The following GNG5B variants were observed in gnomAD, a reference collection of about 807,000 sequenced individuals.
The protein encoded by GNG5B is G protein subunit gamma 5B, also known as guanine nucleotide-binding protein G(I)/G(S)/G(O) subunit gamma-5B.
chrX:110,346,656 C>G, the GNG5B span: 2 of 575,017 alleles, frequency 3.5e-6, no homozygotes, highest in Non-Finnish European at 6.3e-6. Flanking sequence ...TGAATATTCA[C>G]TGGATCATAA....
chrX:110,346,649 A>C, the GNG5B span: 12 of 566,617 alleles, frequency 2.1e-5, no homozygotes, highest in African/African-American at 2.2e-4. Context: ...TCTCTCTTGA[A>C]TATTCACTGG....
At chrX:110,346,809 T>C in the GNG5B span, 1 of 727,769 alleles carries the variant, frequency 1.4e-6, no homozygotes, top group Admixed American at 2.2e-5. Context: ...TTGTTTCAAG[T>C]CTGCAGCTGC....
chrX:110,346,885 C>A, the GNG5B span: 5 of 620,825 alleles, frequency 8.1e-6, no homozygotes, highest in Non-Finnish European at 8.3e-6. Flanking sequence ...TTCTTCGTAG[C>A]GGCGACGCTG....
chrX:110,346,701 T>C, the GNG5B span: 1 of 754,328 alleles, frequency 1.3e-6, no homozygotes, highest in East Asian at 3.2e-5. Flanking sequence ...AGATTCATTG[T>C]ACTACAAAAA....
chrX:110,346,611 A>T, the GNG5B span: 1 of 514,648 alleles, frequency 1.9e-6, no homozygotes, highest in Non-Finnish European at 3.6e-6. Flanking sequence ...TGTTACAGGG[A>T]TAAGCTTTTG....
the GNG5B span, chrX:110,346,935 C>T: frequency 1.9e-6 from 1 of 540,509 alleles, no homozygotes; most frequent in Non-Finnish European, 3.4e-6. Context: ...CGGGCCGATT[C>T]GTGGGTCGGT....
At chrX:110,346,795 A>G in the GNG5B span, 9 of 746,269 alleles carry the variant, frequency 1.2e-5, no homozygotes, top group South Asian at 6.3e-5. Context: ...TTCTGCAGAC[A>G]GAATTGTTTC....
the GNG5B span, chrX:110,346,554 G>A: frequency 2.3e-6 from 1 of 427,520 alleles, no homozygotes; most frequent in Non-Finnish European, 4.2e-6. Flanking sequence ...TTCAGAGGTA[G>A]ATGTTAAGGA....
chrX:110,346,943 G>T, the GNG5B span: 1 of 531,600 alleles, frequency 1.9e-6, no homozygotes, highest in Non-Finnish European at 3.5e-6. Context: ...TTCGTGGGTC[G>T]GTGGGTCGTG....
At chrX:110,346,847 G>A in the GNG5B span, 2 of 657,813 alleles carry the variant, frequency 3.0e-6, no homozygotes, top group African/African-American at 2.1e-5. Context: ...TGTTGAGCCC[G>A]GCCTCCAGCT....
the GNG5B span, chrX:110,346,871 C>A: frequency 1.6e-6 from 1 of 640,369 alleles, no homozygotes; most frequent in South Asian, 2.2e-5. Flanking sequence ...GCTGTTGAAC[C>A]ACTTTCTTCG....
chrX:110,346,637 T>TATC, the GNG5B span: 1 of 551,715 alleles, frequency 1.8e-6, no homozygotes, highest in Non-Finnish European at 3.3e-6. Flanking sequence ...GCTTCAAATG[T>TATC]ATCTCTCTTG....
At chrX:110,346,880 C>T in the GNG5B span, 1 of 628,648 alleles carries the variant, frequency 1.6e-6, no homozygotes. Context: ...CCACTTTCTT[C>T]GTAGCGGCGA....
At chrX:110,346,908 ATGG>A in the GNG5B span, 2 of 587,052 alleles carry the variant, frequency 3.4e-6, no homozygotes, top group East Asian at 6.7e-5. Flanking sequence ...GAAGCCAGAC[ATGG>A]TGAACGCGGG....
chrX:110,346,775 A>G, the GNG5B span: 6 of 759,271 alleles, frequency 7.9e-6, no homozygotes, highest in African/African-American at 2.1e-5. Flanking sequence ...GCAGAGGGTC[A>G]TGTTGAGCAT....
chrX:110,346,942 C>T, the GNG5B span: 1 of 534,049 alleles, frequency 1.9e-6, no homozygotes, highest in Non-Finnish European at 3.4e-6. Flanking sequence ...ATTCGTGGGT[C>T]GGTGGGTCGT....
chrX:110,346,494 T>C, the GNG5B span, among the ~76,000 whole-genome samples: 1 of 112,523 alleles, frequency 8.9e-6, no homozygotes, highest in Non-Finnish European at 1.9e-5. Flanking sequence ...TGTATGCTGC[T>C]GCCAATGTAT....
the GNG5B span, chrX:110,346,552 T>C: frequency 2.3e-6 from 1 of 425,962 alleles, no homozygotes; most frequent in East Asian, 3.9e-5. Context: ...AATTCAGAGG[T>C]AGATGTTAAG....
At chrX:110,346,671 T>C in the GNG5B span, 2 of 596,970 alleles carry the variant, frequency 3.4e-6, no homozygotes, top group African/African-American at 4.4e-5. Context: ...TCATAAGAAG[T>C]GGTTTGGGAA....
Sources: gnomAD v4.1 joint callset for allele counts (sites outside exome capture counted in the v4.1 genomes callset) on GRCh38, gnomAD v4.1.1 for gene constraint, MANE v1.5 for transcripts, NCBI Gene and HGNC (gene_info 2026-07-23, HGNC 2026-07-21) for gene names.